Variants in DCHS2 observed in about 807,000 individuals in gnomAD.
DCHS2 encodes the protein dachsous cadherin-related 2.
Under a neutral mutation model 182.4 loss-of-function variants are expected in DCHS2, and 142 were observed. That is an observed-to-expected ratio of 0.78 (90% CI 0.68 to 0.89). The LOEUF is 0.89. DCHS2 is among the 40% of genes least tolerant of loss of function. The probability of loss-of-function intolerance (pLI) is 0.00; values close to 1 mark genes in which losing one functional copy is unlikely to be tolerated. For synonymous variants in DCHS2, 1,740 were observed against 1,663.3 expected (o/e 1.05, Z -1.12); for missense variants, 4,319 against 4,198.6 (o/e 1.03, Z -0.79).
intron 13 of DCHS2, among the ~76,000 whole-genome samples, chr4:154,296,171 C>G (rs1286981469): frequency 1.3e-5 from 2 of 152,100 alleles, no homozygotes; most frequent in African/African-American, 4.8e-5. Context: ...AATCAAAGCA[C>G]CGGAAATGAA....
At chr4:154,414,796 A>G (rs1055133974) in intron 1 of DCHS2, among the ~76,000 whole-genome samples, 1 of 152,156 alleles carries the variant, frequency 6.6e-6, no homozygotes, top group Non-Finnish European at 1.5e-5. Context: ...TGAAAATGAG[A>G]CCTTGCTCAC....
chr4:154,473,373 C>T (rs757545603), intron 1 of DCHS2, among the ~76,000 whole-genome samples: 61 of 152,112 alleles, frequency 4.0e-4, no homozygotes, highest in Admixed American at 3.6e-3. Context: ...CTTCTTGTGC[C>T]GAGTGACCAG....
chr4:154,360,443 A>C (rs566322028), intron 3 of DCHS2, among the ~76,000 whole-genome samples: 5 of 152,114 alleles, frequency 3.3e-5, no homozygotes, highest in Non-Finnish European at 7.4e-5. Flanking sequence ...TTTGTTTCCT[A>C]TGAAAGTAAC....
intron 1 of DCHS2, among the ~76,000 whole-genome samples, chr4:154,440,359 A>G (rs143631973): frequency 7.2e-5 from 11 of 152,358 alleles, no homozygotes; most frequent in South Asian, 2.1e-4. Flanking sequence ...AAATCTGTCT[A>G]TAGTCCCACT....
intron 1 of DCHS2, among the ~76,000 whole-genome samples, chr4:154,461,472 TA>T (rs1373004673): frequency 1.3e-5 from 2 of 152,186 alleles, no homozygotes; most frequent in African/African-American, 4.8e-5. Flanking sequence ...ATCTACCCTT[TA>T]AAAGCTAACA....
At position 154,236,993 on chromosome 4, in the gene DCHS2, G is replaced by A. The variant is rs1731554321; in HGVS notation, c.7659C>T (p.Ser2553=). Residue 2553 remains serine, a synonymous_variant, in exon 20 of 20, where the codon TCC becomes TCT. Transcript: ENST00000357232. ...CATCCTCACTTAGGCTAAGATTATA[G>A]GATTTGACTGTGAATTCAGGGGCAT... is the stretch of plus-strand genomic sequence containing the variant. ...NNYAPEFTVK[S]YNLSLSEDAL... is the part of the protein sequence containing the mutation. 6.2e-7 allele frequency: 1 copy of A among 1,613,982 alleles called. No homozygotes were observed. The highest frequency in any genetic ancestry group is 8.5e-7 in the Non-Finnish European group (1 of 1,179,904).
At position 154,490,549 on chromosome 4, in the gene DCHS2, C is replaced by G; in HGVS notation, c.807G>C (p.Trp269Cys). The change falls in exon 1 of 20, where the codon TGG becomes TGC. Residue 269 changes from tryptophan to cysteine, a missense_variant. Transcript: ENST00000357232. ...AAAHRLQIEA[W>C]DGGRPRRTGL... ...CGGTGCGCCGGGGTCGGCCGCCGTC[C>G]CATGCCTCGATCTGCAGCCGGTGCG... The G allele has an allele frequency of 6.5e-7, 1 of 1,540,742 alleles. No individual in the cohort carries two copies. The highest frequency in any genetic ancestry group is 8.7e-7 in the Non-Finnish European group (1 of 1,146,250).
chr4:154,235,692 A>T lies in DCHS2; in HGVS notation c.8960T>A (p.Leu2987Ter), dbSNP rs749554957. Residue 2987 changes from leucine to a stop codon, truncating the protein, a stop_gained, in exon 20 of 20, where the codon TTG becomes TAG. Coordinates refer to ENST00000357232, the MANE Select transcript of DCHS2 (RefSeq NM_001358235.2). LOFTEE classifies it low-confidence loss of function (END_TRUNC). The part of the protein sequence containing the change: ...NVSFSSEGTP[L>*]AVFASSFSIS... ...TGAAAAGCTGCTGGCGAACACTGCC[A>T]AGGGTGTTCCTTCAGAGGAGAAAGA... The T allele has an allele frequency of 6.2e-7, 1 of 1,614,074 alleles. No individual in the cohort carries two copies. The highest frequency in any genetic ancestry group is 8.5e-7 in the Non-Finnish European group (1 of 1,179,980).
intron 10 of DCHS2, among the ~76,000 whole-genome samples, chr4:154,308,556 CACCACTGAATAGTT>C (rs1008225121): frequency 1.1e-4 from 16 of 152,114 alleles, no homozygotes; most frequent in African/African-American, 3.4e-4. Context: ...ACTGGAAAGG[CACCACTGAATAGTT>C]ACCTTGGACC....
At chr4:154,475,256 A>T (rs1354696782) in intron 1 of DCHS2, among the ~76,000 whole-genome samples, 1 of 152,160 alleles carries the variant, frequency 6.6e-6, no homozygotes, top group African/African-American at 2.4e-5. Context: ...AAGGGGCAAA[A>T]CTGTAATTTA....
chr4:154,269,401 G>C (rs1733462698), intron 14 of DCHS2: 1 of 153,968 alleles, frequency 6.5e-6, no homozygotes, highest in African/African-American at 2.4e-5. Context: ...AACAGTAATG[G>C]TCTTACTGAA....
intron 13 of DCHS2, among the ~76,000 whole-genome samples, chr4:154,286,205 G>A (rs926000170): frequency 1.3e-5 from 2 of 152,008 alleles, no homozygotes; most frequent in African/African-American, 2.4e-5. Context: ...AAGTCACTTC[G>A]AATACCTGGA....
At chr4:154,361,425 G>A (rs1428708921) in intron 3 of DCHS2, among the ~76,000 whole-genome samples, 1 of 152,122 alleles carries the variant, frequency 6.6e-6, no homozygotes, top group Non-Finnish European at 1.5e-5. Context: ...TGTTACTAAA[G>A]AGAGCACTTC....
At chr4:154,404,286 G>A (rs1380999033) in intron 1 of DCHS2, among the ~76,000 whole-genome samples, 1 of 152,018 alleles carries the variant, frequency 6.6e-6, no homozygotes, top group South Asian at 2.1e-4. Flanking sequence ...ATTATTTAGA[G>A]GAGTATTGAT....
In DCHS2 at chr4:154,417,204, T is replaced by TGAGAGAGAGAGAGAGAGAGA. The variant is rs70947163; in HGVS notation, c.2053-39780_2053-39761dup. Among the ~76,000 whole-genome samples the TGAGAGAGAGAGAGAGAGAGA allele has an allele frequency of 1.7e-3, 66 of 39,472 alleles. 4 individuals carry two copies. The highest frequency in any genetic ancestry group is 5.0e-3 in the East Asian group (3 of 598). 25.9% of individuals were successfully genotyped at this position (39,472 alleles called of 152,430 possible). A position where few individuals can be genotyped will look rare whatever the true frequency, so the allele number is the denominator to read the frequency against. ...GTGTGTGTGTGTGTGTGTGTGTGTG[T>TGAGAGAGAGAGAGAGAGAGA]GAGAGAGAGAGAGAGAGAGAGAGAG... On this transcript the variant is annotated intron_variant, in intron 1 of 19. Coordinates refer to ENST00000357232, the MANE Select transcript of DCHS2 (RefSeq NM_001358235.2).
intron 1 of DCHS2, among the ~76,000 whole-genome samples, chr4:154,379,405 G>A (rs1731069017): frequency 6.6e-6 from 1 of 152,168 alleles, no homozygotes; most frequent in Non-Finnish European, 1.5e-5. Context: ...AGGATATTTG[G>A]TGCATACAAA....
chr4:154,315,902 T>C lies in DCHS2; in HGVS notation c.5106A>G (p.Pro1702=). Residue 1702 remains proline, a synonymous_variant, in exon 10 of 20, where the codon CCA becomes CCG. Coordinates refer to ENST00000357232, the MANE Select transcript of DCHS2 (RefSeq NM_001358235.2). ...TCAAAGTCTGGGATGAAGAAAGTGC[T>C]GGTGTGCCATCATCCAGTGCCAGAA... The part of the protein sequence containing the change: ...LTVLALDDGT[P]ALSSSQTLTV... The C allele has an allele frequency of 6.2e-7, 1 of 1,614,038 alleles. No homozygotes were observed. The highest frequency in any genetic ancestry group is 8.5e-7 in the Non-Finnish European group (1 of 1,179,978).
intron 1 of DCHS2, among the ~76,000 whole-genome samples, chr4:154,447,842 C>G (rs1734366880): frequency 6.6e-6 from 1 of 152,174 alleles, no homozygotes; most frequent in Non-Finnish European, 1.5e-5. Context: ...GATACCTTTT[C>G]CAAGCAACCT....
intron 10 of DCHS2, among the ~76,000 whole-genome samples, chr4:154,313,216 G>A (rs1463396847): frequency 1.3e-5 from 2 of 152,138 alleles, no homozygotes; most frequent in East Asian, 3.9e-4. Flanking sequence ...GCACTGCAGG[G>A]GGAGCTCTTT....
Sources: gnomAD v4.1 joint callset for allele counts (sites outside exome capture counted in the v4.1 genomes callset) on GRCh38, gnomAD v4.1.1 for gene constraint, MANE v1.5 for transcripts, NCBI Gene and HGNC (gene_info 2026-07-23, HGNC 2026-07-21) for gene names.